The following EPHA7 variants were observed in gnomAD, a reference collection of about 807,000 sequenced individuals.
EPHA7 encodes the protein EPH receptor A7, also known as ephrin type-A receptor 7.
In EPHA7, 25 loss-of-function variants were observed where a neutral mutation model predicts 112.6. That is an observed-to-expected ratio of 0.22 (90% CI 0.16 to 0.31). The LOEUF is 0.31. Ranked by LOEUF, EPHA7 falls within the 10% of genes least tolerant of loss-of-function variation. The pLI is 1.00. For missense variants in EPHA7, 962 were observed against 1,212.6 expected, an observed-to-expected ratio of 0.79 and a Z score of 3.07; for synonymous variants, 437 against 406.5, an observed-to-expected ratio of 1.07 and a Z score of -0.90.
Position 93,358,406 on chromosome 6 carries a change from C to A in EPHA7, c.838G>T (p.Gly280Cys). 2 of 1,602,652 alleles carry A rather than the reference C, an allele frequency of 1.2e-6. No homozygotes were observed. The highest frequency in any genetic ancestry group is 8.5e-7 in the Non-Finnish European group (1 of 1,173,878). The change falls in exon 4 of 17, where the codon GGC (glycine) becomes TGC (cysteine). Residue 280 changes from glycine to cysteine, a missense_variant. Gly to Cys is a radical substitution (Grantham distance 159). Coordinates refer to ENST00000369303, the MANE Select transcript of EPHA7 (RefSeq NM_004440.4). ...GAGGAAGACTTGTAGAACCCACGGCCACAGGCTGGGAATGCAAAAGAAAGC... is the reference window on the plus strand; with the variant it reads ...GAGGAAGACTTGTAGAACCCACGGCAACAGGCTGGGAATGCAAAAGAAAGC... ...QQKGDTCEPC[G>C]RGFYKSSSQD...
chr6:93,273,849 C>G (rs1771346443), intron 5 of EPHA7, among the ~76,000 whole-genome samples: 1 of 151,986 alleles, frequency 6.6e-6, no homozygotes, highest in South Asian at 2.1e-4. Flanking sequence ...CTTAGCATAA[C>G]TCAGTAGACT....
intron 5 of EPHA7, among the ~76,000 whole-genome samples, chr6:93,307,851 G>A (rs762771167): frequency 1.3e-5 from 2 of 152,272 alleles, no homozygotes; most frequent in Non-Finnish European, 2.9e-5. Flanking sequence ...GGAAGATTTA[G>A]TAATAATGAG....
At chr6:93,255,532 A>T (rs1770403024) in intron 13 of EPHA7, among the ~76,000 whole-genome samples, 2 of 152,198 alleles carry the variant, frequency 1.3e-5, no homozygotes, top group Admixed American at 1.3e-4. Flanking sequence ...ATGTGATTAC[A>T]GTTTTCTACA....
chr6:93,322,212 T>C (rs534929595), intron 5 of EPHA7, among the ~76,000 whole-genome samples: 15 of 151,912 alleles, frequency 9.9e-5, no homozygotes, highest in African/African-American at 3.6e-4. Context: ...ATTTTAAAAT[T>C]ATATATCTGT....
chr6:93,258,014 C>A, intron 11 of EPHA7, 85 bp downstream of exon 11: 1 of 1,270,080 alleles, frequency 7.9e-7, no homozygotes, highest in Non-Finnish European at 1.1e-6. Context: ...CAACATATTT[C>A]ATAATTTGTT....
rs972046945 is a variant in EPHA7 at position 93,288,462 on chromosome 6, A to G, written c.1325-16040T>C. ...TCTTATGGGGTTATGGAAATGTTCT[A>G]ATACTGGATTGTGGTGATGCTTGCA... On this transcript the variant is annotated intron_variant, in intron 5 of 16. Transcript: ENST00000369303. 3.9e-5 allele frequency among the ~76,000 whole-genome samples: 6 copies of G among 152,222 alleles called. No individual in the cohort carries two copies. The South Asian group carries it at 8.3e-4, about 21-fold the overall frequency.
intron 4 of EPHA7, among the ~76,000 whole-genome samples, chr6:93,357,329 C>T (rs1452207553): frequency 6.6e-6 from 1 of 152,054 alleles, no homozygotes; most frequent in Admixed American, 6.6e-5. Context: ...GTACTTTTGC[C>T]ACAGTCTTTA....
At position 93,337,341 on chromosome 6, in the gene EPHA7, G is replaced by A. The variant is rs990083445; in HGVS notation, c.1324+19376C>T. Among the ~76,000 whole-genome samples the A allele has an allele frequency of 5.3e-5, 8 of 152,224 alleles. 1 individual carries two copies. The highest frequency in any genetic ancestry group is 4.1e-4 in the South Asian group (2 of 4,820). ...TGTCTTTACACACTGATTGCACAAG[G>A]CTGCAACAAAAGTCTATTTTTATTC... On this transcript the variant is annotated intron_variant, in intron 5 of 16. Transcript: ENST00000369303.
intron 3 of EPHA7, among the ~76,000 whole-genome samples, chr6:93,363,709 C>T (rs1351487848): frequency 6.6e-6 from 1 of 152,108 alleles, no homozygotes; most frequent in Non-Finnish European, 1.5e-5. Context: ...TATTCTACTC[C>T]TAGGTATATA....
chr6:93,404,657 GGAGA>G (rs144557748), intron 3 of EPHA7, among the ~76,000 whole-genome samples: 60 of 147,704 alleles, frequency 4.1e-4, no homozygotes, highest in African/African-American at 6.2e-4. Flanking sequence ...TTAGAGAGAG[GGAGA>G]GAGAGAGAGA....
chr6:93,302,513 TG>T (rs1334699690), intron 5 of EPHA7, among the ~76,000 whole-genome samples: 1 of 152,176 alleles, frequency 6.6e-6, no homozygotes, highest in African/African-American at 2.4e-5. Flanking sequence ...TCACTCCCTC[TG>T]GTACCTGGAC....
chr6:93,269,152 G>T (rs1332802731), intron 7 of EPHA7, among the ~76,000 whole-genome samples: 1 of 151,694 alleles, frequency 6.6e-6, no homozygotes, highest in Non-Finnish European at 1.5e-5. Context: ...CTTAGAATAA[G>T]ATTGTTTCGA....
intron 5 of EPHA7, among the ~76,000 whole-genome samples, chr6:93,346,148 G>A (rs1201087847): frequency 6.6e-6 from 1 of 151,540 alleles, no homozygotes; most frequent in Non-Finnish European, 1.5e-5. Context: ...ACCTAAATAT[G>A]TACTTAAAAT....
At chr6:93,392,022 T>C (rs953664492) in intron 3 of EPHA7, among the ~76,000 whole-genome samples, 23 of 151,990 alleles carry the variant, frequency 1.5e-4, no homozygotes, top group Non-Finnish European at 2.8e-4. Context: ...TTAAATCATA[T>C]GGCACAATCT....
chr6:93,398,820 T>C (rs1417786099), intron 3 of EPHA7, among the ~76,000 whole-genome samples: 1 of 152,068 alleles, frequency 6.6e-6, no homozygotes, highest in Non-Finnish European at 1.5e-5. Context: ...AACACAGTTC[T>C]CCTGTATATA....
intron 3 of EPHA7, chr6:93,409,896 G>T (rs1458451319): frequency 1.5e-5 from 2 of 131,826 alleles, no homozygotes; most frequent in Non-Finnish European, 1.5e-5. Context: ...TGGTCATTTT[G>T]GTACTTAGTC....
intron 5 of EPHA7, among the ~76,000 whole-genome samples, chr6:93,324,549 TA>T (rs1222838985): frequency 6.6e-6 from 1 of 151,312 alleles, no homozygotes; most frequent in Non-Finnish European, 1.5e-5. Context: ...CACAATAAGT[TA>T]AATCTGGAAG....
chr6:93,300,127 G>GT lies in EPHA7; in HGVS notation c.1325-27706dup, dbSNP rs1432475379. Reference sequence around the variant, plus strand: ...CTGCGCATGTATCCCTGAACTGAAAGTTTTTTTAAAAAAAGATAGGTATAG... The same window carrying GT: ...CTGCGCATGTATCCCTGAACTGAAAGTTTTTTTTAAAAAAAGATAGGTATAG... On this transcript the variant is annotated intron_variant, in intron 5 of 16. Transcript: ENST00000369303. 2.6e-5 allele frequency among the ~76,000 whole-genome samples: 4 copies of GT among 151,976 alleles called. No homozygotes were observed. In the East Asian group the frequency reaches 5.8e-4, roughly 22 times the overall value.
At chr6:93,321,487 G>C (rs1040513911) in intron 5 of EPHA7, among the ~76,000 whole-genome samples, 2 of 151,826 alleles carry the variant, frequency 1.3e-5, no homozygotes, top group African/African-American at 2.4e-5. Context: ...TCACTAATTA[G>C]TGCTCTTCTT....
Sources: allele counts gnomAD v4.1 joint callset (sites outside exome capture counted in the v4.1 genomes callset), GRCh38; gene constraint gnomAD v4.1.1; transcripts MANE v1.5; gene names NCBI Gene and HGNC (gene_info 2026-07-23, HGNC 2026-07-21).